SPMIP7: variants seen among roughly 807,000 people sequenced by gnomAD.
The protein encoded by SPMIP7 is protein SPMIP7.
the SPMIP7 span, among the ~76,000 whole-genome samples, chr7:50,137,282 ATTAT>A: frequency 3.9e-5 from 6 of 152,198 alleles, no homozygotes; most frequent in African/African-American, 1.4e-4. Flanking sequence ...AATAATTTAC[ATTAT>A]TTAATTTCAC....
chr7:50,119,958 A>T, the SPMIP7 span, among the ~76,000 whole-genome samples: 1 of 152,196 alleles, frequency 6.6e-6, no homozygotes, highest in Admixed American at 6.5e-5. Context: ...CGCGCTATGT[A>T]GGCCTATGGG....
the SPMIP7 span, chr7:50,159,094 C>A: frequency 6.4e-7 from 1 of 1,551,920 alleles, no homozygotes; most frequent in Non-Finnish European, 8.7e-7. Context: ...ACCAGGCTCC[C>A]CTGTCTCGAC....
chr7:50,152,049 T>C, the SPMIP7 span, among the ~76,000 whole-genome samples: 1 of 152,156 alleles, frequency 6.6e-6, no homozygotes, highest in African/African-American at 2.4e-5. Flanking sequence ...ATTTTGCAAA[T>C]TGAAAGCAGG....
the SPMIP7 span, chr7:50,142,858 T>A: frequency 6.6e-6 from 1 of 152,306 alleles, no homozygotes; most frequent in South Asian, 2.1e-4. Flanking sequence ...TACATATGAA[T>A]CTCTAAACAA....
chr7:50,134,227 G>A, the SPMIP7 span: 30 of 1,543,416 alleles, frequency 1.9e-5, no homozygotes, highest in Non-Finnish European at 2.4e-5. Flanking sequence ...AGATATAAAG[G>A]GGTGCCAGCA....
At chr7:50,146,772 C>T in the SPMIP7 span, among the ~76,000 whole-genome samples, 13 of 152,238 alleles carry the variant, frequency 8.5e-5, no homozygotes, top group African/African-American at 3.1e-4. Flanking sequence ...GAATTTACTA[C>T]TCTTCCTCCG....
At chr7:50,134,381 TATATAC>T in the SPMIP7 span, 18 of 559,978 alleles carry the variant, frequency 3.2e-5, no homozygotes, top group South Asian at 1.2e-4. Flanking sequence ...TAAGTAAATA[TATATAC>T]ACACACACAC....
At chr7:50,140,152 T>C in the SPMIP7 span, 1 of 1,506,570 alleles carries the variant, frequency 6.6e-7, no homozygotes, top group Non-Finnish European at 8.9e-7. Context: ...TGAGTTCAAG[T>C]TCTAGAAGTA....
At chr7:50,145,367 G>A in the SPMIP7 span, among the ~76,000 whole-genome samples, 6 of 150,960 alleles carry the variant, frequency 4.0e-5, no homozygotes, top group South Asian at 2.1e-4. Context: ...TTGAAGATAA[G>A]CTCAGTCCCT....
the SPMIP7 span, among the ~76,000 whole-genome samples, chr7:50,103,761 C>A: frequency 1.3e-5 from 2 of 152,162 alleles, no homozygotes; most frequent in Non-Finnish European, 2.9e-5. Flanking sequence ...TTCCTATGCA[C>A]CCCCACAGCA....
chr7:50,140,392 CAAA>C, the SPMIP7 span, among the ~76,000 whole-genome samples: 3 of 151,874 alleles, frequency 2.0e-5, no homozygotes, highest in Admixed American at 6.6e-5. Flanking sequence ...AAGAAAGAAA[CAAA>C]GAAGGAAGGA....
At chr7:50,100,424 T>C in the SPMIP7 span, among the ~76,000 whole-genome samples, 1 of 152,222 alleles carries the variant, frequency 6.6e-6, no homozygotes, top group Admixed American at 6.5e-5. Flanking sequence ...TCATGAATTG[T>C]TGCTGAATCA....
chr7:50,134,060 C>A, the SPMIP7 span: 4 of 1,457,146 alleles, frequency 2.7e-6, no homozygotes, highest in Non-Finnish European at 3.7e-6. Context: ...TAAACTTTAC[C>A]AATTGAATAT....
the SPMIP7 span, among the ~76,000 whole-genome samples, chr7:50,097,482 T>C: frequency 6.6e-6 from 1 of 152,138 alleles, no homozygotes; most frequent in Non-Finnish European, 1.5e-5. Context: ...TCCCATGTAT[T>C]TCACTGCCTG....
the SPMIP7 span, among the ~76,000 whole-genome samples, chr7:50,158,804 G>T: frequency 1.3e-5 from 2 of 151,956 alleles, no homozygotes; most frequent in Non-Finnish European, 2.9e-5. Flanking sequence ...GTGCGGTGGG[G>T]TTCCTTGGGC....
At chr7:50,097,549 T>C in the SPMIP7 span, among the ~76,000 whole-genome samples, 4 of 152,266 alleles carry the variant, frequency 2.6e-5, no homozygotes, top group Admixed American at 2.6e-4. Flanking sequence ...TGTCTGGCCT[T>C]GAGCTCTGGC....
At chr7:50,155,636 A>C in the SPMIP7 span, among the ~76,000 whole-genome samples, 1 of 152,296 alleles carries the variant, frequency 6.6e-6, no homozygotes, top group East Asian at 1.9e-4. Flanking sequence ...AATGTGTGAT[A>C]AAACGTTCCT....
At chr7:50,134,266 C>G in the SPMIP7 span, 1 of 1,510,688 alleles carries the variant, frequency 6.6e-7, no homozygotes, top group South Asian at 1.3e-5. Context: ...CTTCTCTGAA[C>G]AATAATGTAT....
chr7:50,136,235 G>A, the SPMIP7 span: 3 of 1,160,384 alleles, frequency 2.6e-6, no homozygotes, highest in East Asian at 2.6e-5. Flanking sequence ...AGAAGCTGAT[G>A]CTGTAGCCCT....
Sources: allele counts gnomAD v4.1 joint callset (sites outside exome capture counted in the v4.1 genomes callset), GRCh38; gene constraint gnomAD v4.1.1; transcripts MANE v1.5; gene names NCBI Gene and HGNC (gene_info 2026-07-23, HGNC 2026-07-21).